RSPRY1: variants seen among roughly 807,000 people sequenced by gnomAD.
RSPRY1 encodes ring finger and SPRY domain containing 1.
A neutral mutation model predicts 73.1 loss-of-function variants in RSPRY1; 23 were observed. That is an observed-to-expected ratio of 0.31 (90% CI 0.23 to 0.45). RSPRY1 has a LOEUF of 0.45. RSPRY1 is among the 20% of genes least tolerant of loss of function. The pLI is 1.00. For missense variants in RSPRY1, 448 were observed against 698.7 expected, an observed-to-expected ratio of 0.64 and a Z score of 4.05; for synonymous variants, 226 against 251.4, an observed-to-expected ratio of 0.90 and a Z score of 0.95.
intron 6 of RSPRY1, among the ~76,000 whole-genome samples, chr16:57,214,806 G>A (rs565643802): frequency 6.6e-6 from 1 of 152,302 alleles, no homozygotes; most frequent in South Asian, 2.1e-4. Flanking sequence ...AGGTGGGCTG[G>A]TCACCTGAGG....
intron 4 of RSPRY1, among the ~76,000 whole-genome samples, chr16:57,210,049 T>TTCCTC (rs2074808308): frequency 3.0e-5 from 1 of 33,110 alleles, no homozygotes; most frequent in African/African-American, 9.3e-5. Flanking sequence ...CTCCCTCCCT[T>TTCCTC]CCTCCCTTCC....
intron 11 of RSPRY1, 149 bp downstream of exon 11, chr16:57,227,602 A>G (rs1597920639): frequency 1.6e-6 from 1 of 624,734 alleles, no homozygotes. Context: ...AAGGATATAA[A>G]TGGTATTCCT....
chr16:57,199,866 TCA>T lies in RSPRY1; in HGVS notation c.-155-4637_-155-4636del, dbSNP rs1434041092. ...TTTTTTTTTTTTCCCACTCCAAACC[TCA>T]GTTTACTCATTTTGTTTTTTTTGTT... On this transcript the variant is annotated intron_variant, in intron 1 of 14. Coordinates refer to ENST00000394420, the MANE Select transcript of RSPRY1 (RefSeq NM_133368.3). 2.0e-5 allele frequency among the ~76,000 whole-genome samples: 3 copies of T among 148,672 alleles called. No homozygotes were observed. The East Asian group carries it at 5.9e-4, about 29-fold the overall frequency.
intron 4 of RSPRY1, among the ~76,000 whole-genome samples, chr16:57,210,955 T>C (rs547514339): frequency 6.6e-6 from 1 of 151,996 alleles, no homozygotes; most frequent in African/African-American, 2.4e-5. Context: ...GAGGTCGAGA[T>C]TGCAGTGAGA....
chr16:57,208,142 A>T (rs772968595), intron 3 of RSPRY1, 32 bp downstream of exon 3: 2 of 1,305,450 alleles, frequency 1.5e-6, no homozygotes, highest in Admixed American at 2.0e-5. Flanking sequence ...TTACTTTATA[A>T]TGAATATATA....
rs1174562174 is a variant in RSPRY1, at chr16:57,208,055, C to T, written c.351-3C>T. On this transcript the variant is annotated splice_region_variant and splice_polypyrimidine_tract_variant and intron_variant, in intron 2 of 14. Transcript: ENST00000394420. ...GTTTAATGCCTTGAATTTTTTTTTC[C>T]AGTGATCAGGAACCTCCCTATTCAA... is the stretch of plus-strand genomic sequence containing the variant. 34 of 1,569,758 alleles carry T rather than the reference C, an allele frequency of 2.2e-5. No individual in the cohort carries two copies. The highest frequency in any genetic ancestry group is 2.9e-5 in the Non-Finnish European group (34 of 1,156,006).
At chr16:57,233,110 C>A (rs899713422) in intron 13 of RSPRY1, among the ~76,000 whole-genome samples, 1 of 152,162 alleles carries the variant, frequency 6.6e-6, no homozygotes, top group African/African-American at 2.4e-5. Flanking sequence ...GAATATTACT[C>A]CTTTCTGGCA....
At chr16:57,216,496 T>C (rs750904281) in intron 7 of RSPRY1, 19 of 344,422 alleles carry the variant, frequency 5.5e-5, no homozygotes, top group Non-Finnish European at 1.0e-4. Flanking sequence ...GGCCAGAGCA[T>C]TGCTTCAGGC....
In RSPRY1 at chr16:57,216,594, C is replaced by T. The variant is rs569413539; in HGVS notation, c.770-310C>T. ...AATCAGCCAGGCATGGTGGCATGCA[C>T]CTATGTTCCTAGCTACTTGGGATGC... is the stretch of plus-strand genomic sequence containing the variant. On this transcript the variant is annotated intron_variant, in intron 7 of 14. Coordinates refer to ENST00000394420, the MANE Select transcript of RSPRY1 (RefSeq NM_133368.3). The T allele has an allele frequency of 2.9e-5, 11 of 374,910 alleles. No homozygotes were observed. The East Asian group carries it at 4.5e-4, about 15-fold the overall frequency. 23.2% of individuals were successfully genotyped at this position (374,910 alleles called of 1,614,324 possible).
At chr16:57,229,690 C>CGTTT (rs2075177981) in intron 11 of RSPRY1, among the ~76,000 whole-genome samples, 1 of 42,102 alleles carries the variant, frequency 2.4e-5, no homozygotes, top group Non-Finnish European at 4.0e-5. Flanking sequence ...AAGATAAATG[C>CGTTT]TTTTTTTTTT....
At position 57,208,078 on chromosome 16, in the gene RSPRY1, C is replaced by A; in HGVS notation, c.371C>A (p.Ser124Ter). The A allele has an allele frequency of 6.3e-7, 1 of 1,593,760 alleles. No individual in the cohort carries two copies. Among genetic ancestry groups the A allele is most frequent in the Non-Finnish European group, 8.6e-7 (1 of 1,168,536 alleles). Residue 124 changes from serine to a stop codon, truncating the protein, a stop_gained, in exon 3 of 15, where the codon TCA becomes TAA. Transcript: ENST00000394420. LOFTEE classifies it high-confidence loss of function. ...TCCAGTGATCAGGAACCTCCCTATTCAATGATAACATTACACGAAATGGCA... is the reference window on the plus strand; with the variant it reads ...TCCAGTGATCAGGAACCTCCCTATTAAATGATAACATTACACGAAATGGCA... ...LVDNDQEPPY[S>*]MITLHEMAET...
At chr16:57,224,752 G>A (rs1221587204) in intron 10 of RSPRY1, among the ~76,000 whole-genome samples, 1 of 152,170 alleles carries the variant, frequency 6.6e-6, no homozygotes, top group East Asian at 1.9e-4. Flanking sequence ...AGTTATTAGA[G>A]TTCCTTCTTT....
chr16:57,191,094 G>A (rs2074344554), intron 1 of RSPRY1, among the ~76,000 whole-genome samples: 1 of 152,086 alleles, frequency 6.6e-6, no homozygotes, highest in Non-Finnish European at 1.5e-5. Context: ...ACCTCAAATA[G>A]AAGGTTTGAA....
chr16:57,194,984 A>G (rs1049946512), intron 1 of RSPRY1, among the ~76,000 whole-genome samples: 1 of 152,122 alleles, frequency 6.6e-6, no homozygotes, highest in Non-Finnish European at 1.5e-5. Flanking sequence ...TTTTTGTCTC[A>G]GAGCAGCTTT....
At position 57,231,327 on chromosome 16, in the gene RSPRY1, A is replaced by G. The variant is rs1170427939; in HGVS notation, c.1529+8A>G. The G allele has an allele frequency of 3.7e-6, 6 of 1,610,250 alleles. No homozygotes were observed. Among genetic ancestry groups the G allele is most frequent in the Non-Finnish European group, 4.2e-6 (5 of 1,178,528 alleles). ...AAAAATCATTTTGCCAAGGTAAGGA[A>G]TCTGCCCAGGCTATCTCCAGACTTT... On this transcript the variant is annotated splice_region_variant and intron_variant, in intron 13 of 14. Coordinates refer to ENST00000394420, the MANE Select transcript of RSPRY1 (RefSeq NM_133368.3).
At chr16:57,228,446 A>G (rs186403851) in intron 11 of RSPRY1, among the ~76,000 whole-genome samples, 6 of 152,218 alleles carry the variant, frequency 3.9e-5, no homozygotes, top group Admixed American at 2.6e-4. Flanking sequence ...TTAATGGAGC[A>G]TATGATAAAG....
intron 2 of RSPRY1, among the ~76,000 whole-genome samples, chr16:57,206,624 G>A (rs146210123): frequency 1.4e-4 from 21 of 152,168 alleles, no homozygotes; most frequent in African/African-American, 4.3e-4. Flanking sequence ...GTACAGTGGC[G>A]TGATCATGAC....
At chr16:57,207,643 C>T (rs1284775511) in intron 2 of RSPRY1, 3 of 457,454 alleles carry the variant, frequency 6.6e-6, no homozygotes, top group Non-Finnish European at 8.8e-6. Context: ...TTCCATAAGT[C>T]CTCAACCGGG....
rs1597945619 is a variant in RSPRY1, at chr16:57,239,116, G to T, written c.*141G>T. On this transcript the variant is annotated 3_prime_UTR_variant, in exon 15 of 15. Coordinates refer to ENST00000394420, the MANE Select transcript of RSPRY1 (RefSeq NM_133368.3). Reference sequence around the variant, plus strand: ...GCCAGATTTTATGCTAAAAATGGTAGTTTGTCAAAGACAAAATTCTCTTAG... The same window carrying T: ...GCCAGATTTTATGCTAAAAATGGTATTTTGTCAAAGACAAAATTCTCTTAG... The T allele has an allele frequency of 2.5e-6, 1 of 404,976 alleles. No individual in the cohort carries two copies. The highest frequency in any genetic ancestry group is 3.9e-5 in the East Asian group (1 of 25,532). The allele number at this position is 404,976 out of a possible 1,614,324, so 25.1% of individuals were successfully genotyped here. A position where few individuals can be genotyped will look rare whatever the true frequency, so the allele number is the denominator to read the frequency against.
Sources: allele counts gnomAD v4.1 joint callset (sites outside exome capture counted in the v4.1 genomes callset), GRCh38; gene constraint gnomAD v4.1.1; transcripts MANE v1.5; gene names NCBI Gene and HGNC (gene_info 2026-07-23, HGNC 2026-07-21).